The following CDH4 variants were observed in gnomAD, a reference collection of about 807,000 sequenced individuals.
CDH4 encodes the protein cadherin-4.
CDH4 carries 33 observed loss-of-function variants against 86.0 expected under a neutral mutation model. The ratio of observed to expected loss-of-function variants is 0.38; its 90% CI spans 0.29 to 0.51. The LOEUF is 0.51. CDH4 is among the 20% of genes least tolerant of loss of function. The pLI, the probability that CDH4 is intolerant of heterozygous loss-of-function variation, is 0.86. For missense variants in CDH4, 1,114 were observed against 1,307.4 expected, an observed-to-expected ratio of 0.85 and a Z score of 2.28; for synonymous variants, 555 against 549.4, an observed-to-expected ratio of 1.01 and a Z score of -0.14.
chr20:61,399,288 A>G (rs1600941112), intron 2 of CDH4, among the ~76,000 whole-genome samples: 1 of 107,250 alleles, frequency 9.3e-6, no homozygotes, highest in East Asian at 2.9e-4. Flanking sequence ...GCCCGCCACC[A>G]TGCCCGGCTA....
intron 2 of CDH4, among the ~76,000 whole-genome samples, chr20:61,646,601 G>C (rs145108909): frequency 4.3e-4 from 66 of 152,360 alleles, no homozygotes; most frequent in African/African-American, 1.4e-3. Context: ...CGAAGGTAAA[G>C]AGGGGCCGTG....
chr20:61,272,846 C>T (rs2084190610), intron 2 of CDH4, among the ~76,000 whole-genome samples: 1 of 127,264 alleles, frequency 7.9e-6, no homozygotes, highest in African/African-American at 3.1e-5. Flanking sequence ...GGGGGAGCAC[C>T]ATACGCAGTT....
chr20:61,806,577 A>ACG (rs1189298462), intron 4 of CDH4, among the ~76,000 whole-genome samples: 4 of 151,806 alleles, frequency 2.6e-5, no homozygotes, highest in South Asian at 2.1e-4. Context: ...ACGCGCACGC[A>ACG]CACACACATG....
intron 2 of CDH4, among the ~76,000 whole-genome samples, chr20:61,494,583 G>A (rs1345601906): frequency 6.6e-6 from 1 of 152,168 alleles, no homozygotes; most frequent in African/African-American, 2.4e-5. Context: ...AAATATGTGT[G>A]AGAGAATAAT....
intron 2 of CDH4, among the ~76,000 whole-genome samples, chr20:61,433,777 C>G (rs1026396646): frequency 6.6e-6 from 1 of 152,078 alleles, no homozygotes; most frequent in African/African-American, 2.4e-5. Context: ...CCCTAGGATC[C>G]CTGGAGGGTG....
chr20:61,561,355 C>G (rs572158141), intron 2 of CDH4, among the ~76,000 whole-genome samples: 1 of 152,204 alleles, frequency 6.6e-6, no homozygotes, highest in Non-Finnish European at 1.5e-5. Flanking sequence ...GGCGTCATCC[C>G]CGTTTTGCAG....
rs1281087765 is a variant in CDH4 at position 61,647,542 on chromosome 20, T to TCTCTCTCTCTCTCTCTCTCTCTCTCTCC, written c.170-96018_170-96017insTCTCTCTCTCTCTCTCTCTCTCTCCCTC. ...CACACATATTCTCTCTCCCTCTCCC[T>TCTCTCTCTCTCTCTCTCTCTCTCTCTCC]CTCCCTCTCCCTCTCCCTCTCCCTC... On this transcript the variant is annotated intron_variant, in intron 2 of 15. Transcript: ENST00000614565. Among the ~76,000 whole-genome samples the TCTCTCTCTCTCTCTCTCTCTCTCTCTCC allele has an allele frequency of 3.5e-3, 379 of 108,254 alleles. 51 individuals are homozygous for TCTCTCTCTCTCTCTCTCTCTCTCTCTCC. Among genetic ancestry groups the TCTCTCTCTCTCTCTCTCTCTCTCTCTCC allele is most frequent in the Middle Eastern group, 9.4e-3 (2 of 212 alleles). The allele number at this position is 108,254 out of a possible 152,430, so 71.0% of individuals were successfully genotyped here.
In CDH4 at chr20:61,393,047, G is replaced by A. The variant is rs755792732; in HGVS notation, c.169+138110G>A. On this transcript the variant is annotated intron_variant, in intron 2 of 15. Coordinates refer to ENST00000614565, the MANE Select transcript of CDH4 (RefSeq NM_001794.5). This position sits in a 1 kb window ranked among gnomAD's most constrained non-coding sequence, Gnocchi z 4.3. Reference sequence around the variant, plus strand: ...GGACAGAGCAGCTGCGGGGCCCCTCGGTGATCAGGGCCGTTTATTTTCCTC... The same window carrying A: ...GGACAGAGCAGCTGCGGGGCCCCTCAGTGATCAGGGCCGTTTATTTTCCTC... 6.6e-5 allele frequency among the ~76,000 whole-genome samples: 10 copies of A among 152,110 alleles called. No individual in the cohort carries two copies. The highest frequency in any genetic ancestry group is 1.3e-4 in the Non-Finnish European group (9 of 68,028).
intron 4 of CDH4, among the ~76,000 whole-genome samples, chr20:61,820,697 T>C (rs568659350): frequency 6.6e-6 from 1 of 152,180 alleles, no homozygotes; most frequent in Non-Finnish European, 1.5e-5. Context: ...CCTCAAGGCC[T>C]GGAGGCAGCT....
Position 61,398,046 on chromosome 20 carries a change from C to T in CDH4, c.169+143109C>T, listed in dbSNP as rs117883187. On this transcript the variant is annotated intron_variant, in intron 2 of 15. Transcript: ENST00000614565. ...GCAAGCTTCACCTGCGTGTCCTGAA[C>T]CAGCCAGAAGTGTGAGCTTCTTTCC... Among the ~76,000 whole-genome samples the T allele has an allele frequency of 7.8e-3, 1,189 of 152,270 alleles. 16 individuals carry two copies. Among genetic ancestry groups the T allele is most frequent in the Middle Eastern group, 0.024 (7 of 292 alleles).
At chr20:61,836,648 C>G (rs1981892258) in intron 4 of CDH4, among the ~76,000 whole-genome samples, 1 of 152,190 alleles carries the variant, frequency 6.6e-6, no homozygotes, top group African/African-American at 2.4e-5. Flanking sequence ...AAGTAATGTT[C>G]AAGAATCAAG....
chr20:61,862,827 T>C (rs1459263896), intron 6 of CDH4, among the ~76,000 whole-genome samples: 1 of 152,234 alleles, frequency 6.6e-6, no homozygotes. Flanking sequence ...ATTAATGTCA[T>C]TTTAAAATAT....
At chr20:61,411,508 A>G (rs1454138361) in intron 2 of CDH4, among the ~76,000 whole-genome samples, 1 of 151,938 alleles carries the variant, frequency 6.6e-6, no homozygotes, top group African/African-American at 2.4e-5. Flanking sequence ...CACAGGGTCA[A>G]AACGGCCCAG....
intron 2 of CDH4, among the ~76,000 whole-genome samples, chr20:61,529,603 C>G (rs6061602): frequency 6.6e-6 from 1 of 152,028 alleles, no homozygotes; most frequent in Non-Finnish European, 1.5e-5. Context: ...TTCAATGCCT[C>G]GTGTGGTTTG....
chr20:61,743,765 C>G lies in CDH4; in HGVS notation c.372C>G (p.Thr124=), dbSNP rs2088374499. 6.2e-7 allele frequency: 1 copy of G among 1,605,100 alleles called. No individual in the cohort carries two copies. The highest frequency in any genetic ancestry group is 1.3e-5 in the African/African-American group (1 of 74,862). ...DAVVRLLVAQ[T]SSPHSGHKPQ... ...TGGTGCGGTTGCTGGTGGCCCAGACCTCGTCCCCGCACTCTGGACACAAGG... is the reference window on the plus strand; with the variant it reads ...TGGTGCGGTTGCTGGTGGCCCAGACGTCGTCCCCGCACTCTGGACACAAGG... The change falls in exon 3 of 16, where the codon ACC becomes ACG. Residue 124 remains threonine, a synonymous_variant. Transcript: ENST00000614565.
intron 2 of CDH4, among the ~76,000 whole-genome samples, chr20:61,646,655 G>A (rs1471807554): frequency 6.6e-6 from 1 of 152,252 alleles, no homozygotes; most frequent in Non-Finnish European, 1.5e-5. Flanking sequence ...CTGCAGGCAG[G>A]TGAGGGCTAC....
chr20:61,398,630 G>A (rs1461092313), intron 2 of CDH4, among the ~76,000 whole-genome samples: 1 of 151,422 alleles, frequency 6.6e-6, no homozygotes. Flanking sequence ...TGGACAAGGC[G>A]CACCCACACC....
intron 2 of CDH4, among the ~76,000 whole-genome samples, chr20:61,545,820 ACATGTGTG>A (rs1321681637): frequency 2.2e-5 from 3 of 138,188 alleles, no homozygotes; most frequent in Non-Finnish European, 4.7e-5. Flanking sequence ...GTGCGTGTTC[ACATGTGTG>A]TATGTGTGTG....
At chr20:61,896,015 T>A (rs1162550916) in intron 8 of CDH4, among the ~76,000 whole-genome samples, 1 of 151,936 alleles carries the variant, frequency 6.6e-6, no homozygotes, top group Non-Finnish European at 1.5e-5. Context: ...GATCTCAGGG[T>A]CTTCTCTGCT....
Sources: gnomAD v4.1 joint callset for allele counts (sites outside exome capture counted in the v4.1 genomes callset) on GRCh38, gnomAD v4.1.1 for gene constraint, Gnocchi (gnomAD v3.1) non-coding constraint, MANE v1.5 for transcripts, NCBI Gene and HGNC (gene_info 2026-07-23, HGNC 2026-07-21) for gene names.